The following ZNF277 variants were observed in gnomAD, a reference collection of about 807,000 sequenced individuals.
ZNF277 encodes nuclear receptor-interacting factor 4.
In ZNF277, 55 loss-of-function variants were observed where a neutral mutation model predicts 60.7. The observed-to-expected ratio is 0.91, with a 90% CI of 0.73 to 1.13. The LOEUF (loss-of-function observed/expected upper bound fraction) is 1.13, where lower values mean the gene tolerates loss of function less well. ZNF277 is among the 50% of genes most tolerant of loss of function. The probability of loss-of-function intolerance (pLI) is 0.00; values close to 1 mark genes in which losing one functional copy is unlikely to be tolerated. For missense variants in ZNF277, 510 were observed against 523.0 expected (o/e 0.98, Z 0.24); for synonymous variants, 178 against 179.3 (o/e 0.99, Z 0.06).
At chr7:112,235,294 G>C (rs1413528464) in intron 1 of ZNF277, among the ~76,000 whole-genome samples, 1 of 152,076 alleles carries the variant, frequency 6.6e-6, no homozygotes, top group Admixed American at 6.5e-5. Context: ...CCTAGGAGTA[G>C]AATTCCTATG....
chr7:112,238,370 G>C (rs1464554774), intron 1 of ZNF277, among the ~76,000 whole-genome samples: 3 of 152,178 alleles, frequency 2.0e-5, no homozygotes, highest in Admixed American at 1.3e-4. Context: ...CAGCCCTATA[G>C]CTAGGGGGAA....
At chr7:112,230,926 T>A (rs1365185092) in intron 1 of ZNF277, among the ~76,000 whole-genome samples, 1 of 152,122 alleles carries the variant, frequency 6.6e-6, no homozygotes, top group African/African-American at 2.4e-5. Flanking sequence ...TAAAATCGTG[T>A]GTTTGTGACC....
At chr7:112,318,071 T>C (rs189076785) in intron 4 of ZNF277, 111 bp from the exon 5 acceptor site, 186 of 796,600 alleles carry the variant, frequency 2.3e-4, no homozygotes, top group Admixed American at 4.6e-4. Flanking sequence ...TGGCAACTTT[T>C]ATATACTCCC....
intron 5 of ZNF277, among the ~76,000 whole-genome samples, chr7:112,324,155 C>T (rs967612605): frequency 2.0e-5 from 3 of 151,710 alleles, no homozygotes; most frequent in African/African-American, 7.3e-5. Flanking sequence ...TATTGTAAGT[C>T]AAAAAAAATT....
intron 1 of ZNF277, among the ~76,000 whole-genome samples, chr7:112,242,004 G>C (rs1790964992): frequency 2.0e-5 from 3 of 151,982 alleles, no homozygotes; most frequent in African/African-American, 7.2e-5. Context: ...AGTATAATTG[G>C]AATATTTGTA....
chr7:112,299,457 T>G (rs1036518492), intron 4 of ZNF277, among the ~76,000 whole-genome samples: 2 of 152,170 alleles, frequency 1.3e-5, no homozygotes, highest in African/African-American at 4.8e-5. Flanking sequence ...TGAGAGGCAC[T>G]TTCTCATCAT....
chr7:112,262,247 C>CAAAAAAAAAAA (rs376386868), intron 1 of ZNF277, among the ~76,000 whole-genome samples: 2 of 77,674 alleles, frequency 2.6e-5, no homozygotes, highest in Non-Finnish European at 5.8e-5. Context: ...AAAAGCAATA[C>CAAAAAAAAAAA]AAAAAAAAAA....
chr7:112,265,779 C>G (rs1791536717), intron 1 of ZNF277, among the ~76,000 whole-genome samples: 1 of 152,056 alleles, frequency 6.6e-6, no homozygotes, highest in South Asian at 2.1e-4. Context: ...ACTATGTGTT[C>G]AGTTTTTTTA....
intron 10 of ZNF277, 49 bp downstream of exon 10, chr7:112,339,934 A>T: frequency 6.4e-7 from 1 of 1,552,316 alleles, no homozygotes. Context: ...TTTTTTATAA[A>T]CCATCCTGTA....
rs761997978 is a variant in ZNF277 at position 112,287,064 on chromosome 7, G to C, written c.283G>C (p.Asp95His). The C allele has an allele frequency of 5.6e-6, 9 of 1,613,932 alleles. No individual in the cohort carries two copies. Among genetic ancestry groups the C allele is most frequent in the Admixed American group, 1.7e-5 (1 of 60,000 alleles). ...CATAGCTGATGTCAAGTTGGTTGCT[G>C]ATTTCCAAAGGTAAGTTCTGTTTTT... ...IVIADVKLVA[D>H]FQRYILYWRK... The change falls in exon 2 of 12, where the codon GAT becomes CAT. Residue 95 changes from aspartate to histidine, a missense_variant. Physicochemically the swap from Asp to His is moderately conservative, Grantham distance 81 (BLOSUM62 -1). Coordinates refer to ENST00000361822, the MANE Select transcript of ZNF277 (RefSeq NM_021994.3).
intron 5 of ZNF277, among the ~76,000 whole-genome samples, chr7:112,323,421 G>T (rs1793029810): frequency 6.6e-6 from 1 of 152,188 alleles, no homozygotes; most frequent in Non-Finnish European, 1.5e-5. Flanking sequence ...ACTGAATCAT[G>T]TCAAATAAAG....
chr7:112,281,893 C>T (rs553432398), intron 1 of ZNF277, among the ~76,000 whole-genome samples: 1 of 152,186 alleles, frequency 6.6e-6, no homozygotes, highest in Non-Finnish European at 1.5e-5. Flanking sequence ...AGTGCAATGG[C>T]ATGATGTTGG....
intron 1 of ZNF277, among the ~76,000 whole-genome samples, chr7:112,251,679 CCTT>C (rs2117010356): frequency 6.6e-6 from 1 of 152,278 alleles, no homozygotes; most frequent in South Asian, 2.1e-4. Context: ...TTGATAGCTC[CCTT>C]CTTCTGTGTC....
intron 1 of ZNF277, among the ~76,000 whole-genome samples, chr7:112,284,404 A>G (rs73424441): frequency 8.7e-4 from 133 of 152,278 alleles, no homozygotes; most frequent in African/African-American, 3.1e-3. Context: ...TTTTGTAGCT[A>G]TATACTAGTG....
chr7:112,336,085 C>T lies in ZNF277; in HGVS notation c.802-19C>T. ...CTCTTTCCCCCAATGTCTCTCATCC[C>T]TCTGTTCTTCCTACAAAGGAACTTG... On this transcript the variant is annotated intron_variant, in intron 7 of 11. Transcript: ENST00000361822. 2.5e-6 allele frequency: 4 copies of T among 1,607,492 alleles called. No homozygotes were observed. The highest frequency in any genetic ancestry group is 1.1e-5 in the South Asian group (1 of 90,198).
intron 1 of ZNF277, among the ~76,000 whole-genome samples, chr7:112,273,134 G>A (rs753910201): frequency 6.6e-6 from 1 of 152,144 alleles, no homozygotes; most frequent in Non-Finnish European, 1.5e-5. Context: ...ACAGAGACTT[G>A]CCCAGTAATT....
At chr7:112,284,456 ATC>A (rs1186653960) in intron 1 of ZNF277, among the ~76,000 whole-genome samples, 3 of 152,208 alleles carry the variant, frequency 2.0e-5, no homozygotes, top group Admixed American at 1.3e-4. Flanking sequence ...TATATTACTT[ATC>A]TCTCTTCCTC....
At chr7:112,339,760 C>A in intron 9 of ZNF277, 83 bp from the exon 10 acceptor site, 1 of 1,371,398 alleles carries the variant, frequency 7.3e-7, no homozygotes, top group Non-Finnish European at 1.0e-6. Flanking sequence ...ACTACTCAAA[C>A]TCCTGTGAAT....
At chr7:112,339,993 C>T in intron 10 of ZNF277, 108 bp downstream of exon 10, 2 of 975,440 alleles carry the variant, frequency 2.1e-6, no homozygotes, top group East Asian at 4.8e-5. Context: ...ACCACCAAAA[C>T]ATGTCTCTCT....
Sources: gnomAD v4.1 joint callset for allele counts (sites outside exome capture counted in the v4.1 genomes callset) on GRCh38, gnomAD v4.1.1 for gene constraint, MANE v1.5 for transcripts, NCBI Gene and HGNC (gene_info 2026-07-23, HGNC 2026-07-21) for gene names.